The following SLC4A4 variants were observed in gnomAD, a reference collection of about 807,000 sequenced individuals.
SLC4A4 encodes solute carrier family 4 member 4, also known as electrogenic sodium bicarbonate cotransporter 1.
Under a neutral mutation model 111.5 loss-of-function variants are expected in SLC4A4, and 27 were observed. The observed-to-expected ratio is 0.24, with a 90% confidence interval of 0.18 to 0.33. The LOEUF is 0.33. SLC4A4 is among the 10% of genes least tolerant of loss of function. SLC4A4 has a pLI of 1.00. For missense variants in SLC4A4, 909 were observed against 1,315.5 expected (o/e 0.69, Z 4.78); for synonymous variants, 443 against 463.4 (o/e 0.96, Z 0.57).
intron 2 of SLC4A4, among the ~76,000 whole-genome samples, chr4:71,136,067 C>T (rs973627633): frequency 6.6e-6 from 1 of 152,184 alleles, no homozygotes; most frequent in African/African-American, 2.4e-5. Context: ...CATTCTTTTC[C>T]CACCCATAGT....
At chr4:71,218,073 G>C (rs1243151859) in intron 1 of SLC4A4, among the ~76,000 whole-genome samples, 2 of 152,106 alleles carry the variant, frequency 1.3e-5, no homozygotes, top group Admixed American at 6.6e-5. Flanking sequence ...TTTAATAGTG[G>C]CATGTAAAGT....
At chr4:71,441,489 TTA>T (rs1220195341) in intron 8 of SLC4A4, among the ~76,000 whole-genome samples, 27 of 151,978 alleles carry the variant, frequency 1.8e-4, no homozygotes, top group Non-Finnish European at 2.9e-5. Context: ...TGACAGAAAA[TTA>T]AAATATGAAT....
chr4:71,431,218 CAGTA>C (rs1723618164), intron 7 of SLC4A4, among the ~76,000 whole-genome samples: 1 of 151,792 alleles, frequency 6.6e-6, no homozygotes, highest in African/African-American at 2.4e-5. Flanking sequence ...ATAAGGAAAA[CAGTA>C]TGTTTGACTA....
intron 3 of SLC4A4, among the ~76,000 whole-genome samples, chr4:71,291,757 A>G (rs554382182): frequency 6.6e-6 from 1 of 152,360 alleles, no homozygotes; most frequent in South Asian, 2.1e-4. Context: ...TTACTAATAA[A>G]TTAAAAAATT....
intron 16 of SLC4A4, among the ~76,000 whole-genome samples, chr4:71,508,534 A>G (rs1453046596): frequency 1.3e-5 from 2 of 152,202 alleles, no homozygotes; most frequent in Admixed American, 1.3e-4. Context: ...TCCTGGACAC[A>G]TACACCTTCC....
At chr4:71,500,556 G>A (rs1432667081) in intron 16 of SLC4A4, among the ~76,000 whole-genome samples, 8 of 152,038 alleles carry the variant, frequency 5.3e-5, no homozygotes, top group South Asian at 2.1e-4. Flanking sequence ...TCCTGACCTC[G>A]TGACCCACTC....
At chr4:71,557,688 A>T in intron 21 of SLC4A4, 24 bp from the exon 22 acceptor site, 1 of 1,610,112 alleles carries the variant, frequency 6.2e-7, no homozygotes, top group African/African-American at 1.3e-5. Flanking sequence ...ATGCAGTTGG[A>T]CTCCTTTCCT....
intron 6 of SLC4A4, among the ~76,000 whole-genome samples, chr4:71,362,766 C>T (rs1730908655): frequency 2.0e-5 from 3 of 152,130 alleles, no homozygotes; most frequent in South Asian, 4.1e-4. Flanking sequence ...TGGAAATCCA[C>T]GACTTGGTAA....
At chr4:71,281,715 G>T (rs759149375) in intron 3 of SLC4A4, among the ~76,000 whole-genome samples, 2 of 152,108 alleles carry the variant, frequency 1.3e-5, no homozygotes, top group African/African-American at 2.4e-5. Flanking sequence ...AACACAACAT[G>T]TATTATATTA....
chr4:71,373,171 C>G (rs1732041018), intron 6 of SLC4A4, among the ~76,000 whole-genome samples: 2 of 152,248 alleles, frequency 1.3e-5, no homozygotes, highest in South Asian at 4.1e-4. Flanking sequence ...CACCAAGCTT[C>G]CACTCTTCTA....
At chr4:71,089,250 G>T (rs921770876) in intron 1 of SLC4A4, among the ~76,000 whole-genome samples, 1 of 151,632 alleles carries the variant, frequency 6.6e-6, no homozygotes, top group Non-Finnish European at 1.5e-5. Context: ...AGCTCCATCA[G>T]GTCCTTTAAA....
chr4:71,099,831 G>A (rs747684158), intron 2 of SLC4A4, among the ~76,000 whole-genome samples: 1 of 152,124 alleles, frequency 6.6e-6, no homozygotes, highest in Non-Finnish European at 1.5e-5. Context: ...ACACCTCTAT[G>A]CACACAAACT....
At chr4:71,094,966 T>C (rs1742500698) in intron 2 of SLC4A4, among the ~76,000 whole-genome samples, 1 of 152,238 alleles carries the variant, frequency 6.6e-6, no homozygotes, top group South Asian at 2.1e-4. Flanking sequence ...TTTTAACTTA[T>C]GGAATTAGAC....
At chr4:71,402,681 C>G (rs570603465) in intron 7 of SLC4A4, among the ~76,000 whole-genome samples, 1 of 152,298 alleles carries the variant, frequency 6.6e-6, no homozygotes, top group South Asian at 2.1e-4. Flanking sequence ...AGTTAGGGTA[C>G]TTAGAGGTCC....
intron 7 of SLC4A4, among the ~76,000 whole-genome samples, chr4:71,414,932 C>A (rs1019583117): frequency 3.4e-4 from 52 of 152,162 alleles, no homozygotes; most frequent in African/African-American, 1.2e-3. Flanking sequence ...AGTGTTTCTG[C>A]TGAACATAGT....
rs73828143 is a variant in SLC4A4, at chr4:71,405,879, T to A, written c.807+8226T>A. 7.7e-3 allele frequency among the ~76,000 whole-genome samples: 1,167 copies of A among 152,270 alleles called. 16 individuals are homozygous for A. The highest frequency in any genetic ancestry group is 0.025 in the African/African-American group (1,028 of 41,564). On this transcript the variant is annotated intron_variant, in intron 7 of 25. Coordinates refer to ENST00000264485, the MANE Select transcript of SLC4A4 (RefSeq NM_001098484.3). ...ATTAAAACTGAGTTTATTTTCCTGA[T>A]CTAATTGGACGTCCGAGCTGGCTAA...
chr4:71,417,817 G>A (rs1436006083), intron 7 of SLC4A4, among the ~76,000 whole-genome samples: 1 of 152,012 alleles, frequency 6.6e-6, no homozygotes, highest in Non-Finnish European at 1.5e-5. Context: ...TAAACTTTAG[G>A]TAGTAAAATC....
chr4:71,438,551 A>G (rs1724379144), intron 7 of SLC4A4, among the ~76,000 whole-genome samples: 1 of 152,204 alleles, frequency 6.6e-6, no homozygotes, highest in African/African-American at 2.4e-5. Context: ...CTTCATGAAA[A>G]TGATGCATTA....
chr4:71,132,331 T>G (rs749668008), intron 2 of SLC4A4, among the ~76,000 whole-genome samples: 3 of 152,188 alleles, frequency 2.0e-5, no homozygotes, highest in Non-Finnish European at 4.4e-5. Flanking sequence ...GTATATCAGC[T>G]AACGGCATGT....
Sources: gnomAD v4.1 joint callset for allele counts (sites outside exome capture counted in the v4.1 genomes callset) on GRCh38, gnomAD v4.1.1 for gene constraint, MANE v1.5 for transcripts, NCBI Gene and HGNC (gene_info 2026-07-23, HGNC 2026-07-21) for gene names.